Variants in CEP128 observed in about 807,000 individuals in gnomAD.
CEP128 encodes centrosomal protein 128kDa.
A neutral mutation model predicts 156.7 loss-of-function variants in CEP128; 132 were observed. The observed-to-expected ratio is 0.84, with a 90% CI of 0.73 to 0.97. The LOEUF is 0.97. Ranked by LOEUF, CEP128 falls within the 50% of genes least tolerant of loss-of-function variation. CEP128 has a pLI of 0.00. For missense variants in CEP128, 1,252 were observed against 1,281.9 expected (o/e 0.98, Z 0.36); for synonymous variants, 469 against 448.9 (o/e 1.04, Z -0.57).
intron 18 of CEP128, among the ~76,000 whole-genome samples, chr14:80,745,836 G>C (rs906619120): frequency 6.6e-6 from 1 of 151,834 alleles, no homozygotes; most frequent in Non-Finnish European, 1.5e-5. Context: ...GGAGGTAACA[G>C]GCTTATGTGC....
intron 4 of CEP128, among the ~76,000 whole-genome samples, chr14:80,907,723 C>A (rs1251191385): frequency 6.7e-6 from 1 of 148,696 alleles, no homozygotes; most frequent in Non-Finnish European, 1.5e-5. Flanking sequence ...CCCAGGAAAA[C>A]CAAGGTTTAC....
intron 11 of CEP128, among the ~76,000 whole-genome samples, chr14:80,837,832 C>A (rs945232660): frequency 1.3e-5 from 2 of 152,328 alleles, no homozygotes; most frequent in Non-Finnish European, 2.9e-5. Context: ...CAAAGGTCTG[C>A]TGCATGTAGT....
chr14:80,921,164 A>C (rs1403309912), intron 2 of CEP128, among the ~76,000 whole-genome samples: 1 of 152,222 alleles, frequency 6.6e-6, no homozygotes, highest in African/African-American at 2.4e-5. Context: ...ATGTGTATAT[A>C]AATTACCAGT....
chr14:80,603,650 ATC>A (rs1892667594), intron 19 of CEP128, among the ~76,000 whole-genome samples: 1 of 152,288 alleles, frequency 6.6e-6, no homozygotes, highest in African/African-American at 2.4e-5. Flanking sequence ...ATTAATAGCA[ATC>A]TCTCAATTAA....
At chr14:80,840,880 A>G (rs1833705802) in intron 9 of CEP128, 112 bp from the exon 10 acceptor site, 1 of 667,744 alleles carries the variant, frequency 1.5e-6, no homozygotes, top group South Asian at 1.8e-5. Flanking sequence ...TGAGTTACAC[A>G]AAATCTATAA....
At chr14:80,566,632 GCTAT>G (rs1454326185) in intron 20 of CEP128, among the ~76,000 whole-genome samples, 28 of 152,300 alleles carry the variant, frequency 1.8e-4, no homozygotes, top group Admixed American at 1.0e-3. Flanking sequence ...AAAATTGTAT[GCTAT>G]CTATTAAAAG....
chr14:80,916,137 C>G (rs531051784), intron 3 of CEP128, among the ~76,000 whole-genome samples: 138 of 152,276 alleles, frequency 9.1e-4, no homozygotes, highest in Non-Finnish European at 1.7e-3. Context: ...TGTGGGCAGC[C>G]TCTAGAAACC....
intron 19 of CEP128, among the ~76,000 whole-genome samples, chr14:80,636,062 A>G (rs1456156568): frequency 6.6e-6 from 1 of 152,204 alleles, no homozygotes; most frequent in Non-Finnish European, 1.5e-5. Context: ...TCTGGTCCCA[A>G]GCATTTTGGT....
rs560220477 is a variant in CEP128, at chr14:80,907,566, G to A, written c.235-1485C>T. Among the ~76,000 whole-genome samples the A allele has an allele frequency of 1.3e-4, 20 of 150,656 alleles. No individual in the cohort carries two copies. In the East Asian group the frequency reaches 3.9e-3, roughly 30 times the overall value. On this transcript the variant is annotated intron_variant, in intron 4 of 24. Coordinates refer to ENST00000555265, the MANE Select transcript of CEP128 (RefSeq NM_152446.5). ...CCAACTACTCGGGAGGCTGAGGCAGGAGAACTGCTTGAACCTGGGAGGCAG... is the reference window on the plus strand; with the variant it reads ...CCAACTACTCGGGAGGCTGAGGCAGAAGAACTGCTTGAACCTGGGAGGCAG...
Position 80,906,000 on chromosome 14 carries a change from C to A in CEP128, c.316G>T (p.Val106Phe). ...LRNSGGRSIS[V>F]TSLSASDLDG... ...AGGTCACTTGCACTCAAACTTGTAACAGAAATACTTCTCCCTCCTGAGTTT... is the reference window on the plus strand; with the variant it reads ...AGGTCACTTGCACTCAAACTTGTAAAAGAAATACTTCTCCCTCCTGAGTTT... The change falls in exon 5 of 25, where the codon GTT becomes TTT. Residue 106 changes from valine to phenylalanine, a missense_variant. Transcript: ENST00000555265. 1 of 1,613,396 alleles carries A rather than the reference C, an allele frequency of 6.2e-7. No individual in the cohort carries two copies. Among genetic ancestry groups the A allele is most frequent in the Non-Finnish European group, 8.5e-7 (1 of 1,179,650 alleles).
intron 8 of CEP128, among the ~76,000 whole-genome samples, chr14:80,888,807 G>A (rs1175777304): frequency 2.0e-5 from 3 of 152,140 alleles, no homozygotes; most frequent in Admixed American, 6.6e-5. Flanking sequence ...AATAAATAAA[G>A]GGCATTCAAA....
At chr14:80,822,481 C>T (rs1019793942) in intron 13 of CEP128, 5 of 579,552 alleles carry the variant, frequency 8.6e-6, no homozygotes, top group Non-Finnish European at 1.3e-5. Context: ...AAAGCCCGTG[C>T]ACCACTGCAT....
At chr14:80,758,160 A>G (rs193213109) in intron 17 of CEP128, among the ~76,000 whole-genome samples, 8 of 152,348 alleles carry the variant, frequency 5.3e-5, no homozygotes, top group Admixed American at 5.2e-4. Flanking sequence ...AATTGGGTAT[A>G]AGTACAAGTA....
Position 80,767,303 on chromosome 14 carries a change from G to T in CEP128, c.2377-5690C>A, listed in dbSNP as rs1164826300. 4.6e-5 allele frequency among the ~76,000 whole-genome samples: 7 copies of T among 151,770 alleles called. 1 individual carries two copies. The highest frequency in any genetic ancestry group is 1.4e-4 in the African/African-American group (6 of 41,450). ...ACTGTCTTACAAAATGGCCAAAAAA[G>T]AAAAAATAACACATCAAGTGCTGGT... On this transcript the variant is annotated intron_variant, in intron 16 of 24. Transcript: ENST00000555265.
intron 16 of CEP128, among the ~76,000 whole-genome samples, chr14:80,775,901 C>T (rs762744271): frequency 2.4e-4 from 36 of 152,272 alleles, no homozygotes; most frequent in Non-Finnish European, 4.4e-4. Flanking sequence ...GGCACGATCT[C>T]GGCTCGCTGC....
At chr14:80,908,394 T>C (rs531496777) in intron 4 of CEP128, among the ~76,000 whole-genome samples, 2 of 152,334 alleles carry the variant, frequency 1.3e-5, no homozygotes, top group South Asian at 2.1e-4. Flanking sequence ...TCTTCCATTC[T>C]TTTTGGATAT....
At chr14:80,806,624 T>C (rs1313657960) in intron 13 of CEP128, among the ~76,000 whole-genome samples, 5 of 152,182 alleles carry the variant, frequency 3.3e-5, no homozygotes, top group African/African-American at 1.2e-4. Flanking sequence ...GATAAAACTC[T>C]TCTGCTTAAA....
At chr14:80,873,999 G>GT (rs1566685250) in intron 8 of CEP128, among the ~76,000 whole-genome samples, 2 of 152,128 alleles carry the variant, frequency 1.3e-5, no homozygotes, top group African/African-American at 4.8e-5. Context: ...ATGTGGAACT[G>GT]TAAGTCCATT....
intron 8 of CEP128, among the ~76,000 whole-genome samples, chr14:80,874,328 A>G (rs895865184): frequency 4.0e-5 from 6 of 151,848 alleles, no homozygotes; most frequent in Non-Finnish European, 4.4e-5. Flanking sequence ...GCCAAGTGTC[A>G]TGGTGTACAA....
Sources: gnomAD v4.1 joint callset for allele counts (sites outside exome capture counted in the v4.1 genomes callset) on GRCh38, gnomAD v4.1.1 for gene constraint, MANE v1.5 for transcripts, NCBI Gene and HGNC (gene_info 2026-07-23, HGNC 2026-07-21) for gene names.